The following ZNF521 variants were observed in gnomAD, a reference collection of about 807,000 sequenced individuals.
ZNF521 encodes the protein zinc finger protein 521.
A neutral mutation model predicts 105.5 loss-of-function variants in ZNF521; 14 were observed. The observed-to-expected ratio is 0.13, with a 90% CI of 0.09 to 0.21. ZNF521 has a LOEUF of 0.21. Among genes scored for constraint, ZNF521 ranks in the 10% least tolerant of loss-of-function variants. The pLI is 1.00. For synonymous variants in ZNF521, 635 were observed against 606.0 expected (o/e 1.05, Z -0.70); for missense variants, 1,233 against 1,629.7 (o/e 0.76, Z 4.19).
rs140736053 is a variant in ZNF521 at position 25,105,810 on chromosome 18, C to T, written c.3659-13729G>A. Among the ~76,000 whole-genome samples, 7 of 152,236 alleles carry T rather than the reference C, an allele frequency of 4.6e-5. No homozygotes were observed. The South Asian group carries it at 1.0e-3, about 23-fold the overall frequency. ...ATTTTTAGTTAAATCGTGTATGATG[C>T]TTAGTTTACTGGGTCCCTATGCCCA... On this transcript the variant is annotated intron_variant, in intron 5 of 7. Transcript: ENST00000361524.
At chr18:25,157,019 C>G (rs938235688) in intron 5 of ZNF521, among the ~76,000 whole-genome samples, 15 of 151,950 alleles carry the variant, frequency 9.9e-5, no homozygotes, top group African/African-American at 3.4e-4. Context: ...GCCAACATGA[C>G]GAAAACCTGT....
chr18:25,216,267 A>G (rs1905319879), intron 4 of ZNF521, among the ~76,000 whole-genome samples: 1 of 152,194 alleles, frequency 6.6e-6, no homozygotes, highest in African/African-American at 2.4e-5. Context: ...AAAAATATTG[A>G]TTCTAAGACA....
In ZNF521 at chr18:25,322,206, G is replaced by A. The variant is rs770729875; in HGVS notation, c.41-19C>T. On this transcript the variant is annotated intron_variant, in intron 2 of 7. Coordinates refer to ENST00000361524, the MANE Select transcript of ZNF521 (RefSeq NM_015461.3). The stretch of plus-strand genomic sequence containing the variant: ...TTGGGGTCTGAAAAATATCAACACT[G>A]TAAGTATGGGGTTTAAAGACAGGTT... 1.9e-5 allele frequency: 30 copies of A among 1,611,290 alleles called. No homozygotes were observed. The highest frequency in any genetic ancestry group is 2.4e-5 in the Non-Finnish European group (28 of 1,177,586).
At chr18:25,236,980 T>C (rs1438489946) in intron 3 of ZNF521, among the ~76,000 whole-genome samples, 9 of 152,204 alleles carry the variant, frequency 5.9e-5, no homozygotes, top group Admixed American at 5.9e-4. Flanking sequence ...ATTATCAATT[T>C]GAGGACTTTC....
intron 3 of ZNF521, among the ~76,000 whole-genome samples, chr18:25,278,206 G>C (rs1329225001): frequency 6.6e-6 from 1 of 152,100 alleles, no homozygotes; most frequent in Non-Finnish European, 1.5e-5. Flanking sequence ...CCAATATTCT[G>C]CAACTTGTAT....
At chr18:25,230,079 A>G (rs767440606) in intron 3 of ZNF521, among the ~76,000 whole-genome samples, 4 of 152,184 alleles carry the variant, frequency 2.6e-5, no homozygotes, top group Non-Finnish European at 5.9e-5. Flanking sequence ...TGACACGTCA[A>G]GTGAGCTGAA....
intron 3 of ZNF521, among the ~76,000 whole-genome samples, chr18:25,297,682 C>A (rs892231665): frequency 7.2e-5 from 11 of 151,956 alleles, no homozygotes; most frequent in African/African-American, 2.4e-4. Context: ...ACTATGGTCA[C>A]AGAATAGACA....
intron 5 of ZNF521, among the ~76,000 whole-genome samples, chr18:25,152,187 C>G (rs2035059743): frequency 6.6e-6 from 1 of 152,166 alleles, no homozygotes. Flanking sequence ...ATTTAGAAAA[C>G]TATCCTCTAG....
chr18:25,196,988 A>C (rs776798695), intron 4 of ZNF521, among the ~76,000 whole-genome samples: 2 of 151,796 alleles, frequency 1.3e-5, no homozygotes, highest in Admixed American at 6.6e-5. Flanking sequence ...ATGATGACTG[A>C]TGAATATGTT....
chr18:25,206,035 G>A (rs2036073367), intron 4 of ZNF521, among the ~76,000 whole-genome samples: 2 of 151,476 alleles, frequency 1.3e-5, no homozygotes, highest in East Asian at 1.9e-4. Flanking sequence ...ACAGAGTCTC[G>A]CTCTGTCACA....
At chr18:25,329,603 G>T (rs896797360) in intron 2 of ZNF521, among the ~76,000 whole-genome samples, 1 of 152,188 alleles carries the variant, frequency 6.6e-6, no homozygotes, top group Admixed American at 6.5e-5. Flanking sequence ...TTCAAAATGG[G>T]GGCGAGGGAG....
chr18:25,173,800 C>T (rs563423566), intron 5 of ZNF521, among the ~76,000 whole-genome samples: 13 of 152,240 alleles, frequency 8.5e-5, no homozygotes, highest in Admixed American at 7.2e-4. Flanking sequence ...TAACACAGAA[C>T]ATCCACTTGA....
intron 5 of ZNF521, among the ~76,000 whole-genome samples, chr18:25,172,636 A>C (rs1161291098): frequency 6.6e-6 from 1 of 152,210 alleles, no homozygotes; most frequent in Non-Finnish European, 1.5e-5. Context: ...GGTGATAGAC[A>C]TTACTAAATG....
chr18:25,093,873 T>G (rs2033799923), intron 5 of ZNF521, among the ~76,000 whole-genome samples: 1 of 152,152 alleles, frequency 6.6e-6, no homozygotes, highest in Admixed American at 6.5e-5. Flanking sequence ...ACCAAAAAAT[T>G]TCCAGATTTT....
chr18:25,211,521 C>T (rs533699381), intron 4 of ZNF521, among the ~76,000 whole-genome samples: 27 of 152,220 alleles, frequency 1.8e-4, no homozygotes, highest in Non-Finnish European at 2.2e-4. Context: ...TTCACTGGAC[C>T]TTCATGCTTC....
At chr18:25,313,041 G>A (rs937520965) in intron 3 of ZNF521, among the ~76,000 whole-genome samples, 3 of 151,984 alleles carry the variant, frequency 2.0e-5, no homozygotes, top group Non-Finnish European at 2.9e-5. Context: ...TGAAATACAG[G>A]GTACATTATC....
intron 5 of ZNF521, among the ~76,000 whole-genome samples, chr18:25,158,688 C>A (rs902275308): frequency 1.2e-4 from 18 of 152,206 alleles, no homozygotes; most frequent in Non-Finnish European, 2.2e-4. Context: ...GGTGTGGTGG[C>A]TCACACCTGT....
intron 4 of ZNF521, among the ~76,000 whole-genome samples, chr18:25,204,491 CAT>C (rs890597766): frequency 1.1e-4 from 17 of 152,232 alleles, no homozygotes; most frequent in African/African-American, 4.1e-4. Flanking sequence ...TCATACCAAA[CAT>C]GTCTCATGGA....
At chr18:25,342,254 C>T (rs1261818931) in intron 2 of ZNF521, among the ~76,000 whole-genome samples, 1 of 152,142 alleles carries the variant, frequency 6.6e-6, no homozygotes, top group Non-Finnish European at 1.5e-5. Context: ...TACAACTTTG[C>T]AAGTTGCACA....
Sources: gnomAD v4.1 joint callset for allele counts (sites outside exome capture counted in the v4.1 genomes callset) on GRCh38, gnomAD v4.1.1 for gene constraint, MANE v1.5 for transcripts, NCBI Gene and HGNC (gene_info 2026-07-23, HGNC 2026-07-21) for gene names.